The following OPCML variants were observed in gnomAD, a reference collection of about 807,000 sequenced individuals.
OPCML encodes the protein opioid binding protein/cell adhesion molecule like.
Under a neutral mutation model 37.8 loss-of-function variants are expected in OPCML, and 13 were observed. The ratio of observed to expected loss-of-function variants is 0.34; its 90% CI spans 0.22 to 0.55. The LOEUF is 0.55. OPCML is among the 20% of genes least tolerant of loss of function. OPCML has a pLI of 0.91. For missense variants in OPCML, 341 were observed against 435.6 expected (o/e 0.78, Z 1.93); for synonymous variants, 176 against 168.8 (o/e 1.04, Z -0.33).
At chr11:133,084,011 C>T (rs578003748) in intron 1 of OPCML, among the ~76,000 whole-genome samples, 5 of 152,220 alleles carry the variant, frequency 3.3e-5, no homozygotes, top group African/African-American at 1.2e-4. Context: ...TTGCATGCTC[C>T]CGCCTCGTCT....
chr11:132,917,803 T>C (rs1357877453), intron 2 of OPCML, among the ~76,000 whole-genome samples: 1 of 152,192 alleles, frequency 6.6e-6, no homozygotes, highest in East Asian at 1.9e-4. Flanking sequence ...CTGGGTTTTC[T>C]GCTGTGGTGG....
At chr11:132,625,106 G>C (rs1939659352) in intron 3 of OPCML, among the ~76,000 whole-genome samples, 1 of 152,034 alleles carries the variant, frequency 6.6e-6, no homozygotes, top group African/African-American at 2.4e-5. Flanking sequence ...TTTTATTTAT[G>C]TTCAAAATCA....
chr11:133,439,550 C>G (rs976162335), intron 1 of OPCML, among the ~76,000 whole-genome samples: 6 of 152,012 alleles, frequency 3.9e-5, no homozygotes, highest in African/African-American at 1.4e-4. Flanking sequence ...TCACTGCAAG[C>G]TCCGCCTCCC....
chr11:132,705,058 G>A (rs796936806), intron 2 of OPCML, among the ~76,000 whole-genome samples: 3 of 152,302 alleles, frequency 2.0e-5, no homozygotes, highest in African/African-American at 7.2e-5. Context: ...CAGAACCAGC[G>A]AGTGTGTATT....
chr11:132,816,307 G>A (rs1297438391), intron 2 of OPCML, among the ~76,000 whole-genome samples: 7 of 152,178 alleles, frequency 4.6e-5, no homozygotes, highest in Non-Finnish European at 7.4e-5. Context: ...TGGCTTTGAG[G>A]GGCATATGGT....
intron 2 of OPCML, among the ~76,000 whole-genome samples, chr11:132,892,364 T>C (rs1483746821): frequency 2.6e-5 from 4 of 151,682 alleles, no homozygotes; most frequent in Non-Finnish European, 5.9e-5. Context: ...CTATTTGGAG[T>C]GGGGGACAGA....
chr11:132,998,557 A>G (rs891147491), intron 1 of OPCML, among the ~76,000 whole-genome samples: 2 of 152,210 alleles, frequency 1.3e-5, no homozygotes, highest in Non-Finnish European at 2.9e-5. Flanking sequence ...ACAATCCCCA[A>G]CACAATTCAT....
intron 1 of OPCML, chr11:133,003,885 A>T: frequency 1.0e-6 from 1 of 985,316 alleles, no homozygotes. Flanking sequence ...CCCTTTTGAC[A>T]GTTGTCAGGA....
chr11:133,515,482 G>A (rs926858465), intron 1 of OPCML, among the ~76,000 whole-genome samples: 28 of 152,124 alleles, frequency 1.8e-4, no homozygotes, highest in Admixed American at 1.3e-3. Flanking sequence ...TGCCTAAAAC[G>A]TCAAGAGTGC....
intron 4 of OPCML, among the ~76,000 whole-genome samples, chr11:132,461,208 C>A (rs1341763409): frequency 6.6e-6 from 1 of 152,066 alleles, no homozygotes; most frequent in Non-Finnish European, 1.5e-5. Context: ...TATGCTAATG[C>A]CATGACTGGG....
In OPCML at chr11:133,334,103, A is replaced by T. The variant is rs188074892; in HGVS notation, c.61+198161T>A. ...GTACAGTGATTCTTCAAAGACCTAA[A>T]AGCAGAACTACCATTCAACCCAGCA... On this transcript the variant is annotated intron_variant, in intron 1 of 7. Coordinates refer to ENST00000524381, the MANE Select transcript of OPCML (RefSeq NM_001012393.5). 9.5e-4 allele frequency among the ~76,000 whole-genome samples: 145 copies of T among 152,332 alleles called. 1 individual carries two copies. Among genetic ancestry groups the T allele is most frequent in the African/African-American group, 3.4e-3 (141 of 41,578 alleles).
At chr11:132,763,976 G>A (rs1170834265) in intron 2 of OPCML, among the ~76,000 whole-genome samples, 1 of 152,210 alleles carries the variant, frequency 6.6e-6, no homozygotes, top group Non-Finnish European at 1.5e-5. Flanking sequence ...GCCTTGCTTT[G>A]CCTGACGACT....
intron 3 of OPCML, among the ~76,000 whole-genome samples, chr11:132,536,353 C>A (rs1245669988): frequency 1.3e-5 from 2 of 152,170 alleles, no homozygotes; most frequent in Non-Finnish European, 2.9e-5. Context: ...AAGGTTTGAA[C>A]ACAATTTTTT....
chr11:133,484,127 T>TTATA (rs1555165784), intron 1 of OPCML, among the ~76,000 whole-genome samples: 7 of 148,860 alleles, frequency 4.7e-5, no homozygotes, highest in African/African-American at 1.5e-4. Flanking sequence ...GATAGATGAT[T>TTATA]GATAGATAGA....
chr11:132,897,464 A>G (rs988521964), intron 2 of OPCML, among the ~76,000 whole-genome samples: 3 of 152,208 alleles, frequency 2.0e-5, no homozygotes, highest in African/African-American at 7.2e-5. Flanking sequence ...AAGAAGTTAC[A>G]TGAAGAAATG....
At chr11:133,033,674 A>G (rs922602198) in intron 1 of OPCML, among the ~76,000 whole-genome samples, 2 of 152,220 alleles carry the variant, frequency 1.3e-5, no homozygotes, top group Non-Finnish European at 2.9e-5. Context: ...GCATTTTGCT[A>G]TATTAACAAA....
chr11:132,533,705 T>C (rs114188760), intron 3 of OPCML, among the ~76,000 whole-genome samples: 1,946 of 152,238 alleles, frequency 0.013, 41 homozygotes, highest in African/African-American at 0.039. Context: ...TTTACTTGTA[T>C]ATTTACCTGT....
chr11:132,784,506 C>A (rs904415379), intron 2 of OPCML, among the ~76,000 whole-genome samples: 5 of 152,154 alleles, frequency 3.3e-5, no homozygotes, highest in Non-Finnish European at 4.4e-5. Context: ...GTGGCTGACT[C>A]ACTTGCTCCA....
chr11:133,077,476 A>G (rs1565434706), intron 1 of OPCML, among the ~76,000 whole-genome samples: 1 of 152,224 alleles, frequency 6.6e-6, no homozygotes, highest in Non-Finnish European at 1.5e-5. Context: ...GTGAAAAGTG[A>G]AATTATAAAA....
Sources: allele counts gnomAD v4.1 joint callset (sites outside exome capture counted in the v4.1 genomes callset), GRCh38; gene constraint gnomAD v4.1.1; transcripts MANE v1.5; gene names NCBI Gene and HGNC (gene_info 2026-07-23, HGNC 2026-07-21).